CSMD1: variants seen among roughly 807,000 people sequenced by gnomAD.
CSMD1 encodes the protein CUB and Sushi multiple domains 1.
In CSMD1, 213 loss-of-function variants were observed where a neutral mutation model predicts 417.5. The ratio of observed to expected loss-of-function variants is 0.51; its 90% CI spans 0.46 to 0.57. The LOEUF is 0.57. Among genes scored for constraint, CSMD1 ranks in the 20% least tolerant of loss-of-function variants. The pLI is 0.00. For missense variants in CSMD1, 6,923 were observed against 4,529.7 expected (o/e 1.53, Z -15.17); for synonymous variants, 2,862 against 1,736.8 (o/e 1.65, Z -16.11).
chr8:4,068,076 T>C (rs1289039357), intron 3 of CSMD1, among the ~76,000 whole-genome samples: 1 of 151,220 alleles, frequency 6.6e-6, no homozygotes, highest in Non-Finnish European at 1.5e-5. Flanking sequence ...GGAGACAACG[T>C]CTCAAAAAAG....
chr8:3,432,707 G>T (rs180841634), intron 12 of CSMD1, among the ~76,000 whole-genome samples: 1 of 151,886 alleles, frequency 6.6e-6, no homozygotes, highest in Non-Finnish European at 1.5e-5. Context: ...GTACAGATGG[G>T]GTTTCACCAT....
chr8:3,471,580 C>CTCTT (rs1554433680), intron 11 of CSMD1, among the ~76,000 whole-genome samples: 6 of 134,994 alleles, frequency 4.4e-5, no homozygotes, highest in Admixed American at 1.5e-4. Flanking sequence ...TTCTTCCTCT[C>CTCTT]TCCTTCCTTC....
At chr8:4,318,858 T>G (rs1021203420) in intron 3 of CSMD1, among the ~76,000 whole-genome samples, 1 of 152,182 alleles carries the variant, frequency 6.6e-6, no homozygotes. Context: ...TCTTACAAGA[T>G]AGATAACATC....
At chr8:4,292,143 A>C (rs1797404607) in intron 3 of CSMD1, among the ~76,000 whole-genome samples, 2 of 152,228 alleles carry the variant, frequency 1.3e-5, no homozygotes, top group East Asian at 3.9e-4. Flanking sequence ...AAGAAATATG[A>C]AAATGACCCA....
At chr8:4,182,910 G>C (rs1027125164) in intron 3 of CSMD1, among the ~76,000 whole-genome samples, 3 of 152,258 alleles carry the variant, frequency 2.0e-5, no homozygotes, top group South Asian at 4.1e-4. Context: ...GAATGTAATT[G>C]AAGACGGTGG....
intron 9 of CSMD1, among the ~76,000 whole-genome samples, chr8:3,580,878 A>C (rs1800353869): frequency 6.6e-6 from 1 of 152,250 alleles, no homozygotes; most frequent in African/African-American, 2.4e-5. Flanking sequence ...AATGGAAAAG[A>C]AAAAGCTGTA....
At chr8:4,250,503 T>C (rs1339050763) in intron 3 of CSMD1, among the ~76,000 whole-genome samples, 1 of 152,160 alleles carries the variant, frequency 6.6e-6, no homozygotes, top group East Asian at 1.9e-4. Flanking sequence ...TAATGACTCT[T>C]GGTGGAATTA....
intron 1 of CSMD1, among the ~76,000 whole-genome samples, chr8:4,646,978 G>A (rs1458080682): frequency 6.6e-6 from 1 of 152,096 alleles, no homozygotes; most frequent in Non-Finnish European, 1.5e-5. Context: ...TCTCTCCCGG[G>A]ATGTGGACCT....
intron 2 of CSMD1, among the ~76,000 whole-genome samples, chr8:4,429,963 A>C (rs981283640): frequency 4.6e-5 from 7 of 152,186 alleles, no homozygotes; most frequent in African/African-American, 1.7e-4. Context: ...GGCAAAGGGG[A>C]GAATCCACTG....
At chr8:3,883,538 T>G (rs763082477) in intron 5 of CSMD1, among the ~76,000 whole-genome samples, 1 of 152,174 alleles carries the variant, frequency 6.6e-6, no homozygotes, top group Non-Finnish European at 1.5e-5. Context: ...TTATGTACTA[T>G]TTAATAACTA....
chr8:3,127,471 G>C (rs1401867893), intron 41 of CSMD1: 1 of 152,184 alleles, frequency 6.6e-6, no homozygotes, highest in Non-Finnish European at 1.5e-5. Context: ...GAATTGTTCA[G>C]ATGTTCATTG....
chr8:4,402,754 G>A (rs1585020683), intron 3 of CSMD1, among the ~76,000 whole-genome samples: 1 of 144,328 alleles, frequency 6.9e-6, no homozygotes, highest in African/African-American at 2.6e-5. Flanking sequence ...CTTTGCATCT[G>A]TACTGAATGC....
rs749059971 is a variant in CSMD1, at chr8:3,214,568, G to T, written c.4796C>A (p.Pro1599His). The T allele has an allele frequency of 1.2e-5, 19 of 1,588,294 alleles. No homozygotes were observed. The highest frequency in any genetic ancestry group is 1.5e-5 in the Non-Finnish European group (18 of 1,166,842). The stretch of plus-strand genomic sequence containing the variant: ...CCCAATCACACAGGTGATGGATGAG[G>T]GGTCAAGAATCTTATAGCCAGAGTC... ...QCDSGYKILD[P>H]SSITCVIGAD... is the part of the protein sequence containing the mutation. Residue 1599 changes from proline to histidine, a missense_variant, in exon 30 of 70, where the codon CCC (proline) becomes CAC (histidine). By Grantham distance (77) the Pro-to-His change is moderately conservative. Transcript: ENST00000635120.
At chr8:3,368,303 T>C (rs575582264) in intron 19 of CSMD1, among the ~76,000 whole-genome samples, 1 of 152,274 alleles carries the variant, frequency 6.6e-6, no homozygotes, top group Admixed American at 6.5e-5. Context: ...GAAGTCTACA[T>C]AATACTTATG....
chr8:4,201,257 G>C (rs1474033651), intron 3 of CSMD1, among the ~76,000 whole-genome samples: 1 of 152,086 alleles, frequency 6.6e-6, no homozygotes, highest in Non-Finnish European at 1.5e-5. Flanking sequence ...AAAAATTCAG[G>C]GCCGGGCGCA....
chr8:4,159,578 G>C (rs1797029251), intron 3 of CSMD1, among the ~76,000 whole-genome samples: 1 of 152,076 alleles, frequency 6.6e-6, no homozygotes, highest in South Asian at 2.1e-4. Context: ...AACCTGGATG[G>C]GATTGCAGAC....
At chr8:4,510,965 G>C (rs1172936589) in intron 2 of CSMD1, among the ~76,000 whole-genome samples, 4 of 149,296 alleles carry the variant, frequency 2.7e-5, no homozygotes, top group African/African-American at 9.9e-5. Flanking sequence ...TATTAGTTAA[G>C]AGAATATACT....
At chr8:3,542,019 A>C (rs1026590118) in intron 10 of CSMD1, among the ~76,000 whole-genome samples, 1 of 152,092 alleles carries the variant, frequency 6.6e-6, no homozygotes. Context: ...TTCGAAAAAA[A>C]GGAAAAAATA....
intron 23 of CSMD1, among the ~76,000 whole-genome samples, chr8:3,337,077 C>A (rs945739841): frequency 6.6e-6 from 1 of 152,028 alleles, no homozygotes; most frequent in East Asian, 1.9e-4. Context: ...TTGCTGTCCC[C>A]CTGCCTCAAA....
Sources: allele counts gnomAD v4.1 joint callset (sites outside exome capture counted in the v4.1 genomes callset), GRCh38; gene constraint gnomAD v4.1.1; transcripts MANE v1.5; gene names NCBI Gene and HGNC (gene_info 2026-07-23, HGNC 2026-07-21).